LRRC58: variants seen among roughly 807,000 people sequenced by gnomAD.
The protein encoded by LRRC58 is leucine rich repeat containing 58, also known as leucine-rich repeat-containing protein 58.
A neutral mutation model predicts 30.6 loss-of-function variants in LRRC58; 18 were observed. That is an observed-to-expected ratio of 0.59 (90% CI 0.41 to 0.87). The LOEUF is 0.87. LRRC58 is among the 40% of genes least tolerant of loss of function. The pLI, the probability that LRRC58 is intolerant of heterozygous loss-of-function variation, is 0.00. For missense variants in LRRC58, 420 were observed against 468.4 expected (o/e 0.90, Z 0.95); for synonymous variants, 221 against 206.0 (o/e 1.07, Z -0.62).
At chr3:120,334,036 C>A (rs1935797982) in intron 3 of LRRC58, among the ~76,000 whole-genome samples, 1 of 152,148 alleles carries the variant, frequency 6.6e-6, no homozygotes, top group Non-Finnish European at 1.5e-5. Flanking sequence ...TGCCTTATAT[C>A]ATTTGCATAA....
chr3:120,343,104 A>C (rs1239599865), intron 1 of LRRC58, among the ~76,000 whole-genome samples: 1 of 152,240 alleles, frequency 6.6e-6, no homozygotes, highest in Non-Finnish European at 1.5e-5. Flanking sequence ...AGTTACCTTG[A>C]CTGTGGCAGA....
rs1308172946 is a variant in LRRC58, at chr3:120,326,868, A to C, written c.*4332T>G. ...CATAGCTACTGCTAAAATGCTTTAA[A>C]AGACCAAATTTTATTTGCACTATTT... On this transcript the variant is annotated 3_prime_UTR_variant, in exon 4 of 4. Transcript: ENST00000295628. The C allele has an allele frequency of 2.0e-5, 3 of 152,224 alleles. No individual in the cohort carries two copies. Among genetic ancestry groups the C allele is most frequent in the African/African-American group, 7.2e-5 (3 of 41,464 alleles). 9.4% of individuals were successfully genotyped at this position (152,224 alleles called of 1,614,324 possible).
chr3:120,347,376 A>ATTATTTTTTTTTTTTTT (rs1208688984), intron 1 of LRRC58, among the ~76,000 whole-genome samples: 1 of 51,102 alleles, frequency 2.0e-5, no homozygotes, highest in African/African-American at 8.2e-5. Context: ...CCAGGCCAAT[A>ATTATTTTTTTTTTTTTT]TTCTTTTTTT....
At chr3:120,348,694 T>C in intron 1 of LRRC58, 50 bp downstream of exon 1, 1 of 1,490,560 alleles carries the variant, frequency 6.7e-7, no homozygotes, top group Non-Finnish European at 8.9e-7. Context: ...GCCCCAGGGT[T>C]CCCGGACACC....
intron 1 of LRRC58, among the ~76,000 whole-genome samples, chr3:120,347,553 G>A (rs947571818): frequency 1.3e-5 from 2 of 150,028 alleles, no homozygotes; most frequent in Admixed American, 6.6e-5. Context: ...CACCGCGCCC[G>A]GCTAATTTTT....
chr3:120,334,728 G>T, intron 3 of LRRC58, 134 bp downstream of exon 3: 1 of 849,382 alleles, frequency 1.2e-6, no homozygotes, highest in Non-Finnish European at 1.7e-6. Flanking sequence ...AAAACCCAGA[G>T]TGAAATGTCT....
At chr3:120,343,840 G>T (rs1935933751) in intron 1 of LRRC58, among the ~76,000 whole-genome samples, 1 of 152,024 alleles carries the variant, frequency 6.6e-6, no homozygotes. Context: ...GACCAGCCTG[G>T]CCAACATGGT....
chr3:120,338,796 G>GA (rs1935867891), intron 1 of LRRC58, among the ~76,000 whole-genome samples: 3 of 152,242 alleles, frequency 2.0e-5, no homozygotes, highest in Admixed American at 1.3e-4. Context: ...AGAGCGTTTT[G>GA]AAAAAACAGT....
rs1448680677 is a variant in LRRC58, at chr3:120,329,762, T to C, written c.*1438A>G. 2 of 152,066 alleles carry C rather than the reference T, an allele frequency of 1.3e-5. No homozygotes were observed. Among genetic ancestry groups the C allele is most frequent in the Non-Finnish European group, 2.9e-5 (2 of 67,918 alleles). 9.4% of individuals were successfully genotyped at this position (152,066 alleles called of 1,614,324 possible). ...GCCTATCTGATCTGTATAACATTTC[T>C]TACTGTAGGTTTAACATTAACCAAC... On this transcript the variant is annotated 3_prime_UTR_variant, in exon 4 of 4. Transcript: ENST00000295628.
chr3:120,349,221 A>C lies in LRRC58; in HGVS notation c.23T>G (p.Val8Gly). The C allele has an allele frequency of 7.1e-7, 1 of 1,417,892 alleles. No individual in the cohort carries two copies. The highest frequency in any genetic ancestry group is 9.2e-7 in the Non-Finnish European group (1 of 1,091,832). 87.8% of individuals were successfully genotyped at this position (1,417,892 alleles called of 1,614,324 possible). A position where few individuals can be genotyped will look rare whatever the true frequency, so the allele number is the denominator to read the frequency against. The part of the protein sequence containing the change: MEEAGAA[V>G]VTAGEAELNW... ...CAGTTCGGCCTCCCCGGCCGTGACC[A>C]CCGCTGCTCCGGCCTCCTCCATCCT... The change falls in exon 1 of 4, where the codon GTG becomes GGG. Residue 8 changes from valine to glycine, a missense_variant. Physicochemically the swap from Val to Gly is moderately radical, Grantham distance 109. Around this residue, in one of 2 missense-constraint regions of LRRC58, gnomAD observed 266 missense variants for 251.7 expected, o/e 1.06. Coordinates refer to ENST00000295628, the MANE Select transcript of LRRC58 (RefSeq NM_001099678.2).
At chr3:120,348,053 GA>G (rs1313349775) in intron 1 of LRRC58, among the ~76,000 whole-genome samples, 3 of 152,008 alleles carry the variant, frequency 2.0e-5, no homozygotes, top group Non-Finnish European at 4.4e-5. Context: ...GAGTAGTAAC[GA>G]AAAAAATTGT....
In LRRC58 at chr3:120,348,989, C is replaced by T. The variant is rs1213679178; in HGVS notation, c.255G>A (p.Pro85=). 35 of 1,526,762 alleles carry T rather than the reference C, an allele frequency of 2.3e-5. No homozygotes were observed. Among genetic ancestry groups the T allele is most frequent in the Non-Finnish European group, 2.9e-5 (33 of 1,143,528 alleles). 94.6% of individuals were successfully genotyped at this position (1,526,762 alleles called of 1,614,324 possible). Residue 85 remains proline, a synonymous_variant, in exon 1 of 4, where the codon CCG becomes CCA. Coordinates refer to ENST00000295628, the MANE Select transcript of LRRC58 (RefSeq NM_001099678.2). ...VSGNALTALG[P]ELLALRGLRT... is the part of the protein sequence containing the mutation. ...GCAGGCCGCGCAGAGCGAGCAGCTC[C>T]GGCCCGAGCGCGGTCAACGCGTTGC...
intron 3 of LRRC58, among the ~76,000 whole-genome samples, chr3:120,334,429 A>G (rs1935805334): frequency 6.6e-6 from 1 of 152,090 alleles, no homozygotes; most frequent in East Asian, 1.9e-4. Context: ...AATGGCGTGA[A>G]CCTGGGAGGC....
rs750837644 is a variant in LRRC58 at position 120,325,735 on chromosome 3, C to T, written c.*5465G>A. On this transcript the variant is annotated 3_prime_UTR_variant, in exon 4 of 4. Coordinates refer to ENST00000295628, the MANE Select transcript of LRRC58 (RefSeq NM_001099678.2). ...CAGTGGCAAAATATGCTAAGCCTTACAATATCTTCATAAGATGCTATAAAT... is the reference window on the plus strand; with the variant it reads ...CAGTGGCAAAATATGCTAAGCCTTATAATATCTTCATAAGATGCTATAAAT... 1 of 152,220 alleles carries T rather than the reference C, an allele frequency of 6.6e-6. No homozygotes were observed. Among genetic ancestry groups the T allele is most frequent in the Non-Finnish European group, 1.5e-5 (1 of 68,048 alleles). The allele number at this position is 152,220 out of a possible 1,614,324, so 9.4% of individuals were successfully genotyped here.
rs1198417691 is a variant in LRRC58, at chr3:120,328,108, T to C, written c.*3092A>G. ...TCAAGAATTTTTGAACAAGAGACAC[T>C]TCAGCACACATTTAGAAGTAAAATA... On this transcript the variant is annotated 3_prime_UTR_variant, in exon 4 of 4. Transcript: ENST00000295628. 6.6e-6 allele frequency: 1 copy of C among 152,164 alleles called. No homozygotes were observed. Among genetic ancestry groups the C allele is most frequent in the African/African-American group, 2.4e-5 (1 of 41,416 alleles). The allele number at this position is 152,164 out of a possible 1,614,324, so 9.4% of individuals were successfully genotyped here.
chr3:120,347,443 C>T (rs1935986312), intron 1 of LRRC58, among the ~76,000 whole-genome samples: 1 of 129,360 alleles, frequency 7.7e-6, no homozygotes, highest in African/African-American at 2.9e-5. Context: ...GGACTGCGGA[C>T]TGCAGTGGCG....
intron 3 of LRRC58, 30 bp from the exon 4 acceptor site, chr3:120,331,438 A>T: frequency 2.0e-6 from 3 of 1,531,066 alleles, no homozygotes; most frequent in Non-Finnish European, 2.7e-6. Context: ...GAAAGTAATC[A>T]TTACAAAGCA....
chr3:120,348,128 G>A (rs1935998111), intron 1 of LRRC58, among the ~76,000 whole-genome samples: 1 of 152,208 alleles, frequency 6.6e-6, no homozygotes, highest in East Asian at 1.9e-4. Flanking sequence ...TTTGAAGGAT[G>A]ATAGGCGTTT....
At chr3:120,333,570 T>C (rs766393553) in intron 3 of LRRC58, among the ~76,000 whole-genome samples, 8 of 152,362 alleles carry the variant, frequency 5.3e-5, no homozygotes, top group Non-Finnish European at 1.0e-4. Flanking sequence ...AACCTTGTAA[T>C]AGCTTCAAGA....
Sources: allele counts gnomAD v4.1 joint callset (sites outside exome capture counted in the v4.1 genomes callset), GRCh38; gene constraint gnomAD v4.1.1; regional missense constraint gnomAD v4.1.1; transcripts MANE v1.5; gene names NCBI Gene and HGNC (gene_info 2026-07-23, HGNC 2026-07-21).